The following RNF150 variants were observed in gnomAD, a reference collection of about 807,000 sequenced individuals.
RNF150 encodes the protein ring finger protein 150.
A neutral mutation model predicts 39.3 loss-of-function variants in RNF150; 24 were observed. That is an observed-to-expected ratio of 0.61 (90% CI 0.44 to 0.86). RNF150 has a LOEUF of 0.86. Among genes scored for constraint, RNF150 ranks in the 40% least tolerant of loss-of-function variants. The pLI is 0.00. For synonymous variants in RNF150, 255 were observed against 227.3 expected, an observed-to-expected ratio of 1.12 and a Z score of -1.10; for missense variants, 502 against 587.8, an observed-to-expected ratio of 0.85 and a Z score of 1.51.
At chr4:141,109,817 T>C (rs1048825438) in intron 1 of RNF150, among the ~76,000 whole-genome samples, 4 of 152,070 alleles carry the variant, frequency 2.6e-5, no homozygotes, top group African/African-American at 9.7e-5. Flanking sequence ...AACAAGGACA[T>C]GAGGGGCCAA....
At chr4:140,919,705 C>A (rs1040709824) in intron 5 of RNF150, among the ~76,000 whole-genome samples, 27 of 151,566 alleles carry the variant, frequency 1.8e-4, no homozygotes, top group Admixed American at 3.3e-4. Flanking sequence ...TCATATGGAA[C>A]CAAAAAAGAG....
chr4:140,967,620 C>T lies in RNF150; in HGVS notation c.735+3G>A, dbSNP rs369853619. 62 of 1,599,360 alleles carry T rather than the reference C, an allele frequency of 3.9e-5. 1 individual carries two copies. In the African/African-American group the frequency reaches 7.4e-4, roughly 19 times the overall value. On this transcript the variant is annotated splice_donor_region_variant and intron_variant, in intron 2 of 6. Transcript: ENST00000515673. ...AAAAGTTTTTTAACTTTTTGCTACT[C>T]ACCTGGTTCCTATCCCTGGCATTTG...
intron 1 of RNF150, among the ~76,000 whole-genome samples, chr4:141,066,921 C>T (rs971820025): frequency 2.0e-5 from 3 of 152,134 alleles, no homozygotes; most frequent in Non-Finnish European, 4.4e-5. Context: ...GTACAGCCTA[C>T]TACACTCCTA....
intron 6 of RNF150, among the ~76,000 whole-genome samples, chr4:140,869,376 T>A (rs960024591): frequency 6.6e-6 from 1 of 152,216 alleles, no homozygotes; most frequent in Non-Finnish European, 1.5e-5. Flanking sequence ...TCTCTAGTGT[T>A]GGGATTTATA....
chr4:140,895,508 T>C (rs1277912685), intron 6 of RNF150, among the ~76,000 whole-genome samples: 1 of 152,162 alleles, frequency 6.6e-6, no homozygotes, highest in Non-Finnish European at 1.5e-5. Flanking sequence ...TTCATCAAGA[T>C]AGGAAAATAA....
chr4:140,990,059 T>A (rs1734143108), intron 1 of RNF150, among the ~76,000 whole-genome samples: 2 of 152,222 alleles, frequency 1.3e-5, no homozygotes, highest in Non-Finnish European at 2.9e-5. Context: ...AAATTATATT[T>A]AGGCTATTCA....
intron 1 of RNF150, among the ~76,000 whole-genome samples, chr4:141,157,136 T>C (rs940823175): frequency 6.6e-6 from 1 of 152,146 alleles, no homozygotes; most frequent in African/African-American, 2.4e-5. Flanking sequence ...TCTTTGCTCT[T>C]CTACCTTCAG....
chr4:141,053,848 A>G (rs528400903), intron 1 of RNF150: 2 of 466,888 alleles, frequency 4.3e-6, no homozygotes, highest in East Asian at 7.1e-5. Context: ...TGGTTTAAAC[A>G]TGGTCCCTTT....
chr4:141,153,202 G>T (rs1727329548), intron 1 of RNF150, among the ~76,000 whole-genome samples: 1 of 152,142 alleles, frequency 6.6e-6, no homozygotes, highest in Non-Finnish European at 1.5e-5. Flanking sequence ...ATACAGTGTT[G>T]TGGACTGAGT....
chr4:140,927,213 GA>G (rs1331804536), intron 4 of RNF150, among the ~76,000 whole-genome samples: 1 of 152,194 alleles, frequency 6.6e-6, no homozygotes, highest in Admixed American at 6.5e-5. Context: ...TAGAGGATAT[GA>G]TCAGATTGGG....
chr4:141,183,781 G>A (rs1446311692), intron 1 of RNF150, among the ~76,000 whole-genome samples: 1 of 152,036 alleles, frequency 6.6e-6, no homozygotes, highest in African/African-American at 2.4e-5. Context: ...TCCTGTGTTA[G>A]TTTGCTGAGA....
intron 1 of RNF150, among the ~76,000 whole-genome samples, chr4:141,116,717 G>C (rs1159588077): frequency 6.6e-6 from 1 of 152,080 alleles, no homozygotes; most frequent in Non-Finnish European, 1.5e-5. Context: ...ACTATTCACA[G>C]TAGCAAAGAC....
rs144085802 is a variant in RNF150, at chr4:140,911,677, A to G, written c.988-323T>C. On this transcript the variant is annotated intron_variant, in intron 5 of 6. Coordinates refer to ENST00000515673, the MANE Select transcript of RNF150 (RefSeq NM_020724.2). ...TAGGGGGAATATGTGAAATTTATTT[A>G]CAATGAAGGCACTTCCTTACATATA... Among the ~76,000 whole-genome samples the G allele has an allele frequency of 4.7e-3, 711 of 152,312 alleles. 8 individuals carry two copies. The highest frequency in any genetic ancestry group is 0.016 in the African/African-American group (681 of 41,572).
chr4:141,011,625 C>T (rs73849457), intron 1 of RNF150, among the ~76,000 whole-genome samples: 11,070 of 152,260 alleles, frequency 0.073, 453 homozygotes, highest in Middle Eastern at 0.16. Flanking sequence ...TTGGGTAACA[C>T]CCCAAAGCTC....
intron 1 of RNF150, among the ~76,000 whole-genome samples, chr4:140,971,986 CT>C (rs2111434768): frequency 6.6e-6 from 1 of 151,986 alleles, no homozygotes; most frequent in African/African-American, 2.4e-5. Context: ...CTAATCTTTA[CT>C]TCAATCTCAG....
At chr4:141,211,418 T>G (rs189778185) in intron 1 of RNF150, among the ~76,000 whole-genome samples, 12 of 152,294 alleles carry the variant, frequency 7.9e-5, no homozygotes, top group African/African-American at 2.9e-4. Flanking sequence ...ATAATTTAAG[T>G]CAATAATTAT....
At chr4:141,097,984 C>T (rs1204015339) in intron 1 of RNF150, among the ~76,000 whole-genome samples, 5 of 152,116 alleles carry the variant, frequency 3.3e-5, no homozygotes, top group East Asian at 1.9e-4. Context: ...TTCAGATGCC[C>T]CCCTCCCTTA....
rs188509319 is a variant in RNF150, at chr4:141,103,394, T to G, written c.484+28931A>C. On this transcript the variant is annotated intron_variant, in intron 1 of 6. Coordinates refer to ENST00000515673, the MANE Select transcript of RNF150 (RefSeq NM_020724.2). ...CAGAAATAATAAGTAACAATAAAAG[T>G]GAAAAATAGCTTCTATTAGCAAACA... Among the ~76,000 whole-genome samples, 468 of 152,296 alleles carry G rather than the reference T, an allele frequency of 3.1e-3. 1 individual carries two copies. The highest frequency in any genetic ancestry group is 1.0e-2 in the African/African-American group (415 of 41,576).
At chr4:140,869,048 T>C (rs1051182356) in intron 6 of RNF150, among the ~76,000 whole-genome samples, 1 of 152,202 alleles carries the variant, frequency 6.6e-6, no homozygotes, top group Non-Finnish European at 1.5e-5. Context: ...TTTCACTCAG[T>C]AATTTCATTT....
Sources: allele counts gnomAD v4.1 joint callset (sites outside exome capture counted in the v4.1 genomes callset), GRCh38; gene constraint gnomAD v4.1.1; transcripts MANE v1.5; gene names NCBI Gene and HGNC (gene_info 2026-07-23, HGNC 2026-07-21).